The following NDUFAF6 variants were observed in gnomAD, a reference collection of about 807,000 sequenced individuals.
The protein encoded by NDUFAF6 is NADH:ubiquinone oxidoreductase complex assembly factor 6.
A neutral mutation model predicts 40.8 loss-of-function variants in NDUFAF6; 45 were observed. The ratio of observed to expected loss-of-function variants is 1.10; its 90% CI spans 0.87 to 1.42. The LOEUF is 1.42. Ranked by LOEUF, NDUFAF6 falls within the 40% of genes most tolerant of loss-of-function variation. The pLI is 0.00. For synonymous variants in NDUFAF6, 185 were observed against 155.9 expected (o/e 1.19, Z -1.39); for missense variants, 435 against 418.5 (o/e 1.04, Z -0.34).
upstream of NDUFAF6, among the ~76,000 whole-genome samples, chr8:94,953,137 C>T (rs572712933): frequency 2.8e-4 from 43 of 152,232 alleles, no homozygotes; most frequent in African/African-American, 1.0e-3. Flanking sequence ...CACCTGAGGT[C>T]GGGAGTTCAA....
At chr8:95,089,440 A>G (rs1809176192) in intron 2 of NDUFAF6, among the ~76,000 whole-genome samples, 1 of 136,902 alleles carries the variant, frequency 7.3e-6, no homozygotes, top group Non-Finnish European at 1.5e-5. Context: ...GAAGAAATAT[A>G]TATACATAGT....
chr8:95,054,526 C>T (rs1035950326), intron 8 of NDUFAF6, among the ~76,000 whole-genome samples: 7 of 151,878 alleles, frequency 4.6e-5, no homozygotes, highest in African/African-American at 1.7e-4. Context: ...CCTCTGCCTC[C>T]AGGGTTCAAG....
At chr8:94,970,801 T>G (rs1824403741) in intron 1 of NDUFAF6, among the ~76,000 whole-genome samples, 1 of 152,208 alleles carries the variant, frequency 6.6e-6, no homozygotes, top group Non-Finnish European at 1.5e-5. Context: ...TTCTCACCTA[T>G]GGGAACATAT....
chr8:94,909,375 A>AAAAC (rs1818604309), intron 1 of NDUFAF6, among the ~76,000 whole-genome samples: 2 of 55,846 alleles, frequency 3.6e-5, no homozygotes, highest in African/African-American at 1.0e-4. Context: ...AAAAAAAAAA[A>AAAAC]AAAAAAACAC....
intron 2 of NDUFAF6, among the ~76,000 whole-genome samples, chr8:94,993,606 A>T (rs1253361535): frequency 6.6e-6 from 1 of 152,202 alleles, no homozygotes; most frequent in African/African-American, 2.4e-5. Flanking sequence ...ATGGAGGAGG[A>T]GAGCTAATGC....
intron 9 of NDUFAF6, chr8:95,071,807 A>C (rs1461985997): frequency 6.5e-6 from 1 of 152,702 alleles, no homozygotes; most frequent in East Asian, 1.9e-4. Context: ...AAGTCATTCC[A>C]GTCCCAGGGC....
At chr8:95,005,554 A>ATATAT (rs1554657858) in intron 2 of NDUFAF6, among the ~76,000 whole-genome samples, 18,474 of 114,860 alleles carry the variant, frequency 0.16, 2,079 homozygotes, top group East Asian at 0.25. Context: ...TATATATATA[A>ATATAT]AAAATATATT....
chr8:94,932,546 G>A (rs1820517252), intron 1 of NDUFAF6, among the ~76,000 whole-genome samples: 1 of 152,260 alleles, frequency 6.6e-6, no homozygotes, highest in South Asian at 2.1e-4. Flanking sequence ...GCTCACGCCT[G>A]TAATCCCAGC....
At chr8:94,980,451 T>G (rs190357365) in intron 1 of NDUFAF6, among the ~76,000 whole-genome samples, 52 of 145,326 alleles carry the variant, frequency 3.6e-4, no homozygotes, top group South Asian at 8.8e-4. Context: ...TGTTTTTTTT[T>G]TTTTTTTTTT....
At chr8:94,905,197 A>G (rs1051049928) in intron 1 of NDUFAF6, among the ~76,000 whole-genome samples, 2 of 152,156 alleles carry the variant, frequency 1.3e-5, no homozygotes, top group Admixed American at 1.3e-4. Context: ...CTATGTCTCA[A>G]GAAAAAAAAA....
chr8:94,948,223 G>C (rs951733920), intron 2 of NDUFAF6, among the ~76,000 whole-genome samples: 1 of 152,160 alleles, frequency 6.6e-6, no homozygotes, highest in African/African-American at 2.4e-5. Flanking sequence ...CTGCCACTTT[G>C]AAATACAAAC....
intron 3 of NDUFAF6, among the ~76,000 whole-genome samples, chr8:95,038,241 T>G (rs1411916217): frequency 6.6e-6 from 1 of 152,160 alleles, no homozygotes; most frequent in African/African-American, 2.4e-5. Context: ...AGTTTCTCGC[T>G]CTTCTCCTCT....
chr8:95,037,502 C>A (rs960321610), intron 3 of NDUFAF6, among the ~76,000 whole-genome samples: 1 of 152,176 alleles, frequency 6.6e-6, no homozygotes, highest in Non-Finnish European at 1.5e-5. Context: ...CTGTAATGAC[C>A]GATTGGCTGA....
chr8:94,979,999 A>T (rs1825283155), intron 1 of NDUFAF6, among the ~76,000 whole-genome samples: 2 of 152,076 alleles, frequency 1.3e-5, no homozygotes, highest in African/African-American at 4.8e-5. Context: ...CGGGAGGCTG[A>T]AGTAGGAGAA....
intron 4 of NDUFAF6, among the ~76,000 whole-genome samples, chr8:95,042,478 T>C (rs1257123992): frequency 6.6e-6 from 1 of 152,202 alleles, no homozygotes; most frequent in Non-Finnish European, 1.5e-5. Flanking sequence ...ATTAGGGAAC[T>C]CAAGACAGAG....
chr8:94,897,510 A>G (rs1399998173), intron 1 of NDUFAF6, among the ~76,000 whole-genome samples: 1 of 152,180 alleles, frequency 6.6e-6, no homozygotes, highest in African/African-American at 2.4e-5. Flanking sequence ...CACCTAAAGT[A>G]TATTTCCCCT....
intron 2 of NDUFAF6, among the ~76,000 whole-genome samples, chr8:94,985,293 T>C (rs1335914701): frequency 3.3e-5 from 5 of 151,346 alleles, no homozygotes; most frequent in Admixed American, 2.0e-4. Flanking sequence ...GCAGAGGAGA[T>C]AATATAAAGT....
intron 1 of NDUFAF6, among the ~76,000 whole-genome samples, chr8:94,980,445 T>G (rs905686263): frequency 5.6e-5 from 8 of 142,154 alleles, no homozygotes; most frequent in African/African-American, 2.1e-4. Context: ...TTTTTTTGTT[T>G]TTTTTTTTTT....
chr8:94,950,821 A>G (rs966230278), intron 2 of NDUFAF6: 1 of 152,158 alleles, frequency 6.6e-6, no homozygotes, highest in Non-Finnish European at 1.5e-5. Context: ...TATGATGACA[A>G]TTACAAGGGG....
Sources: gnomAD v4.1 joint callset for allele counts (sites outside exome capture counted in the v4.1 genomes callset) on GRCh38, gnomAD v4.1.1 for gene constraint, MANE v1.5 for transcripts, NCBI Gene and HGNC (gene_info 2026-07-23, HGNC 2026-07-21) for gene names.